CDC42EP4: variants seen among roughly 807,000 people sequenced by gnomAD.
The protein encoded by CDC42EP4 is CDC42 effector protein (Rho GTPase binding) 4.
CDC42EP4 carries 6 observed loss-of-function variants against 5.6 expected under a neutral mutation model. The ratio of observed to expected loss-of-function variants is 1.07; its 90% confidence interval spans 0.59 to 2.12. The LOEUF (loss-of-function observed/expected upper bound fraction) is 2.12. CDC42EP4 is among the 30% of genes most tolerant of loss of function. The pLI is 0.00. For missense variants in CDC42EP4, 490 were observed against 508.6 expected (o/e 0.96, Z 0.35); for synonymous variants, 230 against 224.2 (o/e 1.03, Z -0.23).
rs547422773 is a variant in CDC42EP4 at position 73,303,236 on chromosome 17, G to A, written c.-113+8657C>T. Among the ~76,000 whole-genome samples the A allele has an allele frequency of 3.5e-4, 53 of 151,946 alleles. No individual in the cohort carries two copies. In the South Asian group the frequency reaches 4.4e-3, roughly 13 times the overall value. On this transcript the variant is annotated intron_variant, in intron 1 of 1. Transcript: ENST00000335793. ...CGCATGCCTGTAATCCTAGCTACTC[G>A]GAAGGCTGAGGCAGGAGAATGGCTT...
intron 1 of CDC42EP4, among the ~76,000 whole-genome samples, chr17:73,301,906 T>TC (rs1163442775): frequency 6.6e-6 from 1 of 152,104 alleles, no homozygotes; most frequent in African/African-American, 2.4e-5. Context: ...GCCAGGCTGG[T>TC]CTTCAACTCT....
At chr17:73,292,205 C>T (rs939805889) in intron 1 of CDC42EP4, among the ~76,000 whole-genome samples, 9 of 152,262 alleles carry the variant, frequency 5.9e-5, no homozygotes, top group African/African-American at 2.2e-4. Flanking sequence ...GCCACTGCCT[C>T]CGCCACTGCT....
intron 1 of CDC42EP4, among the ~76,000 whole-genome samples, chr17:73,289,930 AAG>A (rs2062154132): frequency 1.3e-5 from 2 of 152,234 alleles, no homozygotes; most frequent in East Asian, 1.9e-4. Context: ...GAAAAAGAAA[AAG>A]AGAAGGTAGA....
In CDC42EP4 at chr17:73,297,001, A is replaced by AAAAAAAAAAAAAAAC. The variant is rs547362762; in HGVS notation, c.-112-10390_-112-10389insGTTTTTTTTTTTTTT. Among the ~76,000 whole-genome samples, 537 of 61,726 alleles carry AAAAAAAAAAAAAAAC rather than the reference A, an allele frequency of 8.7e-3. 95 individuals are homozygous for AAAAAAAAAAAAAAAC. Among genetic ancestry groups the AAAAAAAAAAAAAAAC allele is most frequent in the East Asian group, 0.011 (26 of 2,458 alleles). The allele number at this position is 61,726 out of a possible 152,430, so 40.5% of individuals were successfully genotyped here. A position where few individuals can be genotyped will look rare whatever the true frequency, so the allele number is the denominator to read the frequency against. Reference sequence around the variant, plus strand: ...GTCTCAAAAAAAAAAAAAAAAAAAAAAAATACACAAGGCCAAGCGCCGTGG... The same window carrying AAAAAAAAAAAAAAAC: ...GTCTCAAAAAAAAAAAAAAAAAAAAAAAAAAAAAAAAAAACAAATACACAAGGCCAAGCGCCGTGG... On this transcript the variant is annotated intron_variant, in intron 1 of 1. Coordinates refer to ENST00000335793, the MANE Select transcript of CDC42EP4 (RefSeq NM_012121.5).
chr17:73,293,601 G>C (rs1389032070), intron 1 of CDC42EP4, among the ~76,000 whole-genome samples: 2 of 152,162 alleles, frequency 1.3e-5, no homozygotes, highest in South Asian at 4.1e-4. Context: ...GTGGCATTCT[G>C]CTACACAAGG....
At chr17:73,297,828 T>G (rs1022557287) in intron 1 of CDC42EP4, among the ~76,000 whole-genome samples, 1 of 151,838 alleles carries the variant, frequency 6.6e-6, no homozygotes, top group African/African-American at 2.4e-5. Context: ...CCAGTTAATT[T>G]TTATATTTTC....
In CDC42EP4 at chr17:73,285,612, G is replaced by A. The variant is rs576422247; in HGVS notation, c.889C>T (p.Arg297Cys). 8.8e-5 allele frequency: 141 copies of A among 1,606,782 alleles called. No individual in the cohort carries two copies. Among genetic ancestry groups the A allele is most frequent in the Middle Eastern group, 1.7e-4 (1 of 6,016 alleles). Reference protein sequence around the residue: ...AAAAPSPGSARSMGSHTTRDS... With the variant: ...AAAAPSPGSACSMGSHTTRDS... ...CGTGTGGTGTGGCTGCCCATGCTGC[G>A]GGCTGAGCCGGGGCTGGGGGCCGCT... The change falls in exon 2 of 2, where the codon CGC becomes TGC. Residue 297 changes from arginine (R) to cysteine (C), a missense_variant. Physicochemically the swap from Arg to Cys is radical, Grantham distance 180 (BLOSUM62 -3). Coordinates refer to ENST00000335793, the MANE Select transcript of CDC42EP4 (RefSeq NM_012121.5). This position sits in a 1 kb window ranked among gnomAD's most constrained non-coding sequence, Gnocchi z 6.8.
Position 73,286,269 on chromosome 17 carries a change from G to A in CDC42EP4, c.232C>T (p.Leu78Phe), listed in dbSNP as rs2062133382. The change falls in exon 2 of 2, where the codon CTC (leucine) becomes TTC (phenylalanine). Residue 78 changes from leucine (L) to phenylalanine (F), a missense_variant. Coordinates refer to ENST00000335793, the MANE Select transcript of CDC42EP4 (RefSeq NM_012121.5). This position sits in a 1 kb window ranked among gnomAD's most constrained non-coding sequence, Gnocchi z 7.7. ...CTGCCCCGGAACTTCCTGGACAGGA[G>A]ACTGCGTTTGGAAGATGAAGAAGAG... ...QPSSSSSKRS[L>F]LSRKFRGSKR... 2 of 1,614,126 alleles carry A rather than the reference G, an allele frequency of 1.2e-6. No homozygotes were observed. The highest frequency in any genetic ancestry group is 1.7e-5 in the Admixed American group (1 of 60,014).
At position 73,311,979 on chromosome 17, in the gene CDC42EP4, A is replaced by T. The variant is rs2062277662; in HGVS notation, c.-199T>A. Reference sequence around the variant, plus strand: ...GGCGGAGGGGCTGGCGGCCCCTGTCAGCGCCGGCGTTTGTTTCCCTCTGGC... The same window carrying T: ...GGCGGAGGGGCTGGCGGCCCCTGTCTGCGCCGGCGTTTGTTTCCCTCTGGC... On this transcript the variant is annotated 5_prime_UTR_variant, in exon 1 of 2. Transcript: ENST00000335793. 2 of 151,934 alleles carry T rather than the reference A, an allele frequency of 1.3e-5. No homozygotes were observed. The highest frequency in any genetic ancestry group is 4.1e-4 in the South Asian group (2 of 4,822). 9.4% of individuals were successfully genotyped at this position (151,934 alleles called of 1,614,324 possible).
At chr17:73,291,727 C>T (rs2062162257) in intron 1 of CDC42EP4, among the ~76,000 whole-genome samples, 1 of 152,172 alleles carries the variant, frequency 6.6e-6, no homozygotes, top group Non-Finnish European at 1.5e-5. Flanking sequence ...ATCCCACTTT[C>T]TTGGCAGGGA....
intron 1 of CDC42EP4, among the ~76,000 whole-genome samples, chr17:73,293,471 AG>A (rs2062171082): frequency 1.3e-5 from 2 of 152,316 alleles, no homozygotes; most frequent in East Asian, 3.9e-4. Flanking sequence ...CAGGCCTTCC[AG>A]GGGCAGCCTC....
intron 1 of CDC42EP4, among the ~76,000 whole-genome samples, chr17:73,302,480 T>C (rs1356083332): frequency 6.6e-6 from 1 of 152,108 alleles, no homozygotes; most frequent in Non-Finnish European, 1.5e-5. Flanking sequence ...GCTGAATTTT[T>C]AATTTTTTTT....
At chr17:73,306,585 C>T (rs1474456778) in intron 1 of CDC42EP4, 1 of 152,216 alleles carries the variant, frequency 6.6e-6, no homozygotes, top group Non-Finnish European at 1.5e-5. Context: ...ACCAGATTCT[C>T]CTTAGAGGTA....
intron 1 of CDC42EP4, among the ~76,000 whole-genome samples, chr17:73,288,511 G>A (rs1424805466): frequency 6.6e-6 from 1 of 151,316 alleles, no homozygotes; most frequent in Non-Finnish European, 1.5e-5. Context: ...CACCCACCTC[G>A]GCCTCCCAGT....
In CDC42EP4 at chr17:73,298,011, A is replaced by AAAAC. The variant is rs145180095; in HGVS notation, c.-112-11400_-112-11399insGTTT. On this transcript the variant is annotated intron_variant, in intron 1 of 1. Transcript: ENST00000335793. ...CAACAACAGCGAAAAAAAAAAAAAA[A>AAAAC]CCCAAAGTATCAAAGGCTTAAAGAA... is the stretch of plus-strand genomic sequence containing the variant. Among the ~76,000 whole-genome samples, 5 of 146,130 alleles carry AAAAC rather than the reference A, an allele frequency of 3.4e-5. 1 individual carries two copies. Among genetic ancestry groups the AAAAC allele is most frequent in the Non-Finnish European group, 3.0e-5 (2 of 66,388 alleles).
At chr17:73,293,580 C>T (rs2062171642) in intron 1 of CDC42EP4, among the ~76,000 whole-genome samples, 1 of 152,174 alleles carries the variant, frequency 6.6e-6, no homozygotes, top group Admixed American at 6.5e-5. Context: ...CTTCACTTTG[C>T]CGAAACACAG....
At chr17:73,301,116 C>T (rs1464112321) in intron 1 of CDC42EP4, among the ~76,000 whole-genome samples, 4 of 149,426 alleles carry the variant, frequency 2.7e-5, no homozygotes, top group African/African-American at 9.8e-5. Flanking sequence ...GGAAAATACA[C>T]ACTGGACTTC....
intron 1 of CDC42EP4, among the ~76,000 whole-genome samples, chr17:73,290,490 G>A (rs2062156292): frequency 1.3e-5 from 2 of 152,216 alleles, no homozygotes; most frequent in African/African-American, 4.8e-5. Context: ...CCTGCCCTGT[G>A]CACTGTAGGA....
chr17:73,304,536 G>A (rs2062235352), intron 1 of CDC42EP4, among the ~76,000 whole-genome samples: 1 of 151,724 alleles, frequency 6.6e-6, no homozygotes, highest in Non-Finnish European at 1.5e-5. Flanking sequence ...TAAGAGCACC[G>A]AGACTTAGAG....
Sources: gnomAD v4.1 joint callset for allele counts (sites outside exome capture counted in the v4.1 genomes callset) on GRCh38, gnomAD v4.1.1 for gene constraint, Gnocchi (gnomAD v3.1) non-coding constraint, MANE v1.5 for transcripts, NCBI Gene and HGNC (gene_info 2026-07-23, HGNC 2026-07-21) for gene names.